Variants in MAMDC2 observed in about 807,000 individuals in gnomAD.
MAMDC2 encodes MAM domain-containing protein 2.
MAMDC2 carries 57 observed loss-of-function variants against 89.8 expected under a neutral mutation model. The observed-to-expected ratio is 0.63, with a 90% confidence interval of 0.51 to 0.79. The LOEUF is 0.79. Ranked by LOEUF, MAMDC2 falls within the 30% of genes least tolerant of loss-of-function variation. The probability of loss-of-function intolerance (pLI) is 0.00; values close to 1 mark genes in which losing one functional copy is unlikely to be tolerated. For missense variants in MAMDC2, 800 were observed against 820.6 expected (o/e 0.97, Z 0.31); for synonymous variants, 313 against 293.4 (o/e 1.07, Z -0.68).
intron 11 of MAMDC2, among the ~76,000 whole-genome samples, chr9:70,210,624 C>T (rs1431173551): frequency 6.6e-6 from 1 of 152,096 alleles, no homozygotes; most frequent in East Asian, 1.9e-4. Context: ...GAGCATTTAG[C>T]CCATTTACAT....
At chr9:70,211,806 G>A (rs2033359343) in intron 11 of MAMDC2, among the ~76,000 whole-genome samples, 1 of 152,130 alleles carries the variant, frequency 6.6e-6, no homozygotes, top group Admixed American at 6.5e-5. Flanking sequence ...ATGGGGTTTT[G>A]GTGTGGATGT....
chr9:70,060,987 T>C (rs1430497371), intron 2 of MAMDC2, among the ~76,000 whole-genome samples: 2 of 152,224 alleles, frequency 1.3e-5, no homozygotes, highest in African/African-American at 4.8e-5. Context: ...CCCAAAGCAG[T>C]TGGGAAAAAG....
At chr9:70,054,372 A>G (rs548173883) in intron 2 of MAMDC2, among the ~76,000 whole-genome samples, 1 of 152,274 alleles carries the variant, frequency 6.6e-6, no homozygotes, top group East Asian at 1.9e-4. Context: ...CCGGGCATGT[A>G]TGAGAAGAAT....
chr9:70,103,682 TA>T, intron 2 of MAMDC2, among the ~76,000 whole-genome samples: 1 of 151,558 alleles, frequency 6.6e-6, no homozygotes, highest in Non-Finnish European at 1.5e-5. Flanking sequence ...AAGGATACCA[TA>T]AAAAAGGTGA....
chr9:70,217,808 CAT>C (rs1462276819), intron 11 of MAMDC2: 19 of 655,476 alleles, frequency 2.9e-5, no homozygotes, highest in Admixed American at 1.3e-4. Flanking sequence ...ATATGCATAA[CAT>C]GTGAGCATAT....
At chr9:70,179,872 C>CTTTTT (rs2032598655) in intron 11 of MAMDC2, among the ~76,000 whole-genome samples, 2 of 23,070 alleles carry the variant, frequency 8.7e-5, no homozygotes, top group African/African-American at 1.9e-4. Context: ...ATAAAATATT[C>CTTTTT]CTTTTTTTTT....
chr9:70,059,934 A>G (rs1276216646), intron 2 of MAMDC2, among the ~76,000 whole-genome samples: 5 of 151,934 alleles, frequency 3.3e-5, no homozygotes, highest in African/African-American at 9.7e-5. Flanking sequence ...CATGTCTGGA[A>G]CCCTCTTCCT....
intron 11 of MAMDC2, among the ~76,000 whole-genome samples, chr9:70,187,496 A>G (rs1377022069): frequency 6.6e-6 from 1 of 152,106 alleles, no homozygotes; most frequent in Non-Finnish European, 1.5e-5. Context: ...TAAAGTATAT[A>G]ATTCATTGGT....
At chr9:70,195,318 G>A (rs1485661024) in intron 11 of MAMDC2, among the ~76,000 whole-genome samples, 2 of 152,008 alleles carry the variant, frequency 1.3e-5, no homozygotes, top group African/African-American at 2.4e-5. Flanking sequence ...TGTAACAGAT[G>A]GATAGTGACT....
At chr9:70,215,210 C>A (rs2033421716) in intron 11 of MAMDC2, among the ~76,000 whole-genome samples, 2 of 152,132 alleles carry the variant, frequency 1.3e-5, no homozygotes, top group Admixed American at 1.3e-4. Context: ...GTCTTGCAAG[C>A]CAACGTAAGA....
chr9:70,225,948 A>G lies in MAMDC2; in HGVS notation c.1997-20A>G, dbSNP rs754765838. On this transcript the variant is annotated intron_variant, in intron 13 of 13. Transcript: ENST00000377182. Reference sequence around the variant, plus strand: ...TCTATAATAAAAATACTGTTATTGTATATTTGTCTTTCCTGACAGAAATGG... The same window carrying G: ...TCTATAATAAAAATACTGTTATTGTGTATTTGTCTTTCCTGACAGAAATGG... 2 of 1,530,770 alleles carry G rather than the reference A, an allele frequency of 1.3e-6. No individual in the cohort carries two copies. Among genetic ancestry groups the G allele is most frequent in the South Asian group, 2.4e-5 (2 of 83,918 alleles). The allele number at this position is 1,530,770 out of a possible 1,614,324, so 94.8% of individuals were successfully genotyped here.
chr9:70,123,230 C>G (rs866023960), intron 5 of MAMDC2, among the ~76,000 whole-genome samples: 2 of 152,204 alleles, frequency 1.3e-5, no homozygotes, highest in Admixed American at 6.5e-5. Flanking sequence ...GACTTCATCT[C>G]TGTCTTTGAT....
intron 2 of MAMDC2, among the ~76,000 whole-genome samples, chr9:70,077,827 A>G (rs926145043): frequency 1.3e-5 from 2 of 152,198 alleles, no homozygotes; most frequent in African/African-American, 4.8e-5. Flanking sequence ...GTGTTGGTCC[A>G]TTTGCAAGAA....
chr9:70,057,169 A>T (rs1238473384), intron 2 of MAMDC2, among the ~76,000 whole-genome samples: 3 of 152,184 alleles, frequency 2.0e-5, no homozygotes, highest in East Asian at 1.9e-4. Flanking sequence ...GGTGCCAAAA[A>T]GTTTGGGGAC....
intron 9 of MAMDC2, among the ~76,000 whole-genome samples, chr9:70,149,749 G>T (rs889828529): frequency 1.3e-5 from 2 of 152,146 alleles, no homozygotes; most frequent in East Asian, 1.9e-4. Flanking sequence ...GTGCACCAGG[G>T]TATTGTAACA....
chr9:70,218,437 C>T lies in MAMDC2; in HGVS notation c.1752C>T (p.Thr584=). Residue 584 remains threonine (T), a synonymous_variant, in exon 12 of 14, where the codon ACC becomes ACT. Coordinates refer to ENST00000377182, the MANE Select transcript of MAMDC2 (RefSeq NM_153267.5). Reference sequence around the variant, plus strand: ...GAGTCTCTGGAAAACACTGCTTGACCTTTTTCTACCACATGTATGGAGGGG... The same window carrying T: ...GAGTCTCTGGAAAACACTGCTTGACTTTTTTCTACCACATGTATGGAGGGG... ...LRGVSGKHCL[T]FFYHMYGGGT... is the part of the protein sequence containing the mutation. The T allele has an allele frequency of 1.2e-6, 2 of 1,614,174 alleles. No homozygotes were observed. Among genetic ancestry groups the T allele is most frequent in the Non-Finnish European group, 1.7e-6 (2 of 1,180,026 alleles).
At chr9:70,194,267 C>G (rs1207197258) in intron 11 of MAMDC2, 1 of 152,064 alleles carries the variant, frequency 6.6e-6, no homozygotes, top group African/African-American at 2.4e-5. Context: ...TGACCTGCTG[C>G]TATGATTTGA....
In MAMDC2 at chr9:70,052,036, C is replaced by G. The variant is rs1410206710; in HGVS notation, c.148+7339C>G. ...TTAAAGCTATATCCAGGTCTTACTCCAAGAGGTTCTGATTTATTTGTCCAG... is the reference window on the plus strand; with the variant it reads ...TTAAAGCTATATCCAGGTCTTACTCGAAGAGGTTCTGATTTATTTGTCCAG... On this transcript the variant is annotated intron_variant, in intron 2 of 13. Coordinates refer to ENST00000377182, the MANE Select transcript of MAMDC2 (RefSeq NM_153267.5). Among the ~76,000 whole-genome samples, 5 of 152,070 alleles carry G rather than the reference C, an allele frequency of 3.3e-5. No individual in the cohort carries two copies. The East Asian group carries it at 9.6e-4, about 29-fold the overall frequency.
At chr9:70,057,850 T>C (rs1827059199) in intron 2 of MAMDC2, among the ~76,000 whole-genome samples, 1 of 152,236 alleles carries the variant, frequency 6.6e-6, no homozygotes, top group Admixed American at 6.5e-5. Context: ...TTTCATTTCA[T>C]TCTCCTTTAA....
Sources: gnomAD v4.1 joint callset for allele counts (sites outside exome capture counted in the v4.1 genomes callset) on GRCh38, gnomAD v4.1.1 for gene constraint, MANE v1.5 for transcripts, NCBI Gene and HGNC (gene_info 2026-07-23, HGNC 2026-07-21) for gene names.